CHODL: variants seen among roughly 807,000 people sequenced by gnomAD.
CHODL encodes transmembrane protein MT75.
In CHODL, 29 loss-of-function variants were observed where a neutral mutation model predicts 34.5. The ratio of observed to expected loss-of-function variants is 0.84; its 90% confidence interval spans 0.63 to 1.15. CHODL has a LOEUF of 1.15. Ranked by LOEUF, CHODL falls within the 50% of genes most tolerant of loss-of-function variation. CHODL has a pLI of 0.00. For missense variants in CHODL, 332 were observed against 332.5 expected (o/e 1.00, Z 0.01); for synonymous variants, 125 against 116.1 (o/e 1.08, Z -0.49).
At chr21:18,060,360 C>T (rs985190379) in intron 2 of CHODL, among the ~76,000 whole-genome samples, 8 of 151,796 alleles carry the variant, frequency 5.3e-5, no homozygotes, top group East Asian at 1.9e-4. Flanking sequence ...GAGGCTGATG[C>T]GGGAGGATCA....
chr21:18,171,396 C>T (rs1254651804), intron 2 of CHODL, among the ~76,000 whole-genome samples: 4 of 148,942 alleles, frequency 2.7e-5, no homozygotes, highest in East Asian at 4.0e-4. Context: ...TTAGTAGAGA[C>T]GGGGGTTTCA....
chr21:18,150,884 G>T (rs2072956622), intron 2 of CHODL, among the ~76,000 whole-genome samples: 1 of 151,900 alleles, frequency 6.6e-6, no homozygotes, highest in Non-Finnish European at 1.5e-5. Context: ...AGGAGTTCAA[G>T]ACCAGCCTGG....
intron 1 of CHODL, chr21:18,022,356 C>T (rs958766007): frequency 6.6e-6 from 1 of 152,130 alleles, no homozygotes; most frequent in Non-Finnish European, 1.5e-5. Context: ...TCTTGTCTTT[C>T]TCATATAAGA....
intron 2 of CHODL, among the ~76,000 whole-genome samples, chr21:18,039,593 C>A (rs77656806): frequency 6.6e-6 from 1 of 151,562 alleles, no homozygotes; most frequent in African/African-American, 2.4e-5. Flanking sequence ...ACTTTTCATT[C>A]GACATCTAAG....
intron 2 of CHODL, chr21:18,034,601 G>A (rs1276765152): frequency 1.3e-5 from 2 of 152,016 alleles, no homozygotes; most frequent in African/African-American, 4.8e-5. Context: ...TTAGCGTGGA[G>A]GGTCTCCATT....
intron 2 of CHODL, among the ~76,000 whole-genome samples, chr21:18,208,827 C>G (rs1157805654): frequency 6.6e-6 from 1 of 152,046 alleles, no homozygotes; most frequent in Non-Finnish European, 1.5e-5. Flanking sequence ...CCCTTACTTT[C>G]TCCCAAACAG....
intron 1 of CHODL, among the ~76,000 whole-genome samples, chr21:18,023,380 G>A (rs1300621959): frequency 6.6e-6 from 1 of 152,272 alleles, no homozygotes; most frequent in Admixed American, 6.5e-5. Flanking sequence ...GCCAGTTCCA[G>A]CTGGTAGTCA....
At chr21:18,065,691 C>T (rs2064723523) in intron 2 of CHODL, among the ~76,000 whole-genome samples, 1 of 152,106 alleles carries the variant, frequency 6.6e-6, no homozygotes, top group Non-Finnish European at 1.5e-5. Flanking sequence ...TTTAGCAAAG[C>T]AAGTGATCAT....
intron 1 of CHODL, among the ~76,000 whole-genome samples, chr21:17,946,473 A>G (rs1332085223): frequency 6.6e-6 from 1 of 152,190 alleles, no homozygotes; most frequent in East Asian, 1.9e-4. Context: ...CTTACAAGAA[A>G]TGTTAAAAGG....
intron 2 of CHODL, among the ~76,000 whole-genome samples, chr21:18,117,025 C>A (rs1475858070): frequency 6.6e-6 from 1 of 152,150 alleles, no homozygotes; most frequent in Non-Finnish European, 1.5e-5. Context: ...AGGGGTCAGC[C>A]AGCAAGGCAT....
At chr21:17,976,270 GAAAAAAAAAAAAAAAA>G (rs71318119) in intron 1 of CHODL, among the ~76,000 whole-genome samples, 3 of 66,536 alleles carry the variant, frequency 4.5e-5, no homozygotes, top group Non-Finnish European at 6.5e-5. Context: ...GACCATCTCA[GAAAAAAAAAAAAAAAA>G]AAAAAAAAAA....
At position 18,033,667 on chromosome 21, in the gene CHODL, T is replaced by G. The variant is rs115168872; in HGVS notation, c.-45+5696T>G. Among the ~76,000 whole-genome samples, 430 of 152,084 alleles carry G rather than the reference T, an allele frequency of 2.8e-3. 2 individuals are homozygous for G. Among genetic ancestry groups the G allele is most frequent in the African/African-American group, 9.9e-3 (412 of 41,524 alleles). ...ACAGCCCATTGGCCTTTTTCAGTTG[T>G]CAAAGTTATGTTATGGGTATAGTAG... On this transcript the variant is annotated intron_variant, in intron 2 of 6. Transcript: ENST00000400127.
Position 18,235,599 on chromosome 21 carries a change from C to A in CHODL, c.-44-20910C>A, listed in dbSNP as rs565819151. ...AAAAGAGTTAAGAAGTAGTAGTCACCAAGGATAATATGATCAAATAATTTC... is the reference window on the plus strand; with the variant it reads ...AAAAGAGTTAAGAAGTAGTAGTCACAAAGGATAATATGATCAAATAATTTC... On this transcript the variant is annotated intron_variant, in intron 2 of 6. Coordinates refer to the CHODL transcript ENST00000400127. 1.7e-4 allele frequency among the ~76,000 whole-genome samples: 26 copies of A among 151,996 alleles called. No homozygotes were observed. The South Asian group carries it at 5.2e-3, about 30-fold the overall frequency.
At chr21:18,264,624 AG>A (rs2074428512) in intron 5 of CHODL, among the ~76,000 whole-genome samples, 1 of 145,256 alleles carries the variant, frequency 6.9e-6, no homozygotes, top group Non-Finnish European at 1.5e-5. Flanking sequence ...AAAAAAAAAA[AG>A]AGAGAGAGAA....
At chr21:17,971,273 G>A (rs2063612307) in intron 1 of CHODL, among the ~76,000 whole-genome samples, 1 of 152,114 alleles carries the variant, frequency 6.6e-6, no homozygotes, top group Admixed American at 6.5e-5. Flanking sequence ...TGGGTCAAAT[G>A]GTATTTCTAG....
intron 2 of CHODL, among the ~76,000 whole-genome samples, chr21:18,144,495 T>C (rs2072842640): frequency 6.6e-6 from 1 of 152,224 alleles, no homozygotes; most frequent in Non-Finnish European, 1.5e-5. Context: ...TCACTTGTGA[T>C]GATTTCTAGT....
chr21:18,202,563 A>T (rs901949825), intron 2 of CHODL, among the ~76,000 whole-genome samples: 20 of 152,190 alleles, frequency 1.3e-4, no homozygotes, highest in African/African-American at 4.8e-4. Context: ...ACCAAAAATC[A>T]AATTAGTCTG....
At chr21:18,138,760 A>G (rs1272449959) in intron 2 of CHODL, among the ~76,000 whole-genome samples, 2 of 152,200 alleles carry the variant, frequency 1.3e-5, no homozygotes, top group African/African-American at 4.8e-5. Flanking sequence ...ATAAGAGCAC[A>G]ATACAGCAGA....
chr21:18,109,255 G>T (rs901709328), intron 2 of CHODL, among the ~76,000 whole-genome samples: 1 of 152,058 alleles, frequency 6.6e-6, no homozygotes, highest in Non-Finnish European at 1.5e-5. Flanking sequence ...TATGGTAGAG[G>T]GTAGAGCATC....
Sources: gnomAD v4.1 joint callset for allele counts (sites outside exome capture counted in the v4.1 genomes callset) on GRCh38, gnomAD v4.1.1 for gene constraint, MANE v1.5 for transcripts, NCBI Gene and HGNC (gene_info 2026-07-23, HGNC 2026-07-21) for gene names.